SORCS2: variants seen among roughly 807,000 people sequenced by gnomAD.
SORCS2 encodes VPS10 domain-containing receptor SorCS2.
In SORCS2, 100 loss-of-function variants were observed where a neutral mutation model predicts 141.6. The observed-to-expected ratio is 0.71, with a 90% CI of 0.60 to 0.83. The LOEUF is 0.83. Among genes scored for constraint, SORCS2 ranks in the 40% least tolerant of loss-of-function variants. The probability of loss-of-function intolerance (pLI) is 0.00; values close to 1 mark genes in which losing one functional copy is unlikely to be tolerated. For synonymous variants in SORCS2, 789 were observed against 676.9 expected, an observed-to-expected ratio of 1.17 and a Z score of -2.57; for missense variants, 1,646 against 1,560.2, an observed-to-expected ratio of 1.05 and a Z score of -0.93.
chr4:7,448,092 C>T (rs78130599), intron 2 of SORCS2, among the ~76,000 whole-genome samples: 2 of 152,184 alleles, frequency 1.3e-5, no homozygotes, highest in Non-Finnish European at 2.9e-5. Context: ...CATCCCTGTA[C>T]GTAGGCGAGA....
chr4:7,496,830 T>A (rs1325758200), intron 2 of SORCS2, among the ~76,000 whole-genome samples: 2 of 152,074 alleles, frequency 1.3e-5, no homozygotes, highest in African/African-American at 4.8e-5. Flanking sequence ...GGTGAGCGGC[T>A]GGGGAAGGCA....
chr4:7,707,103 C>T (rs1256170733), intron 14 of SORCS2, among the ~76,000 whole-genome samples: 1 of 152,376 alleles, frequency 6.6e-6, no homozygotes, highest in Admixed American at 6.5e-5. Context: ...CTGTGGGCAG[C>T]AGCCTGTCCT....
chr4:7,562,400 C>G (rs7691525), intron 3 of SORCS2, among the ~76,000 whole-genome samples: 4,081 of 152,034 alleles, frequency 0.027, 185 homozygotes, highest in African/African-American at 0.092. Flanking sequence ...GAGGGATGGC[C>G]TGGGATGAGG....
chr4:7,343,074 C>G (rs930113178), intron 1 of SORCS2, among the ~76,000 whole-genome samples: 1 of 152,182 alleles, frequency 6.6e-6, no homozygotes, highest in Non-Finnish European at 1.5e-5. Context: ...CTGTGGGCCC[C>G]GAGTAGCTCG....
At chr4:7,478,267 G>A (rs111800634) in intron 2 of SORCS2, among the ~76,000 whole-genome samples, 3 of 152,138 alleles carry the variant, frequency 2.0e-5, no homozygotes, top group African/African-American at 4.8e-5. Context: ...TGCGAAGGAG[G>A]CTCGCTTCCT....
intron 12 of SORCS2, 100 bp downstream of exon 12, chr4:7,697,374 TG>T: frequency 9.6e-7 from 1 of 1,046,656 alleles, no homozygotes; most frequent in Non-Finnish European, 1.4e-6. Flanking sequence ...AGAGGCTCTG[TG>T]GGAGAAGCTC....
chr4:7,552,158 C>A (rs1031286615), intron 3 of SORCS2, among the ~76,000 whole-genome samples: 2 of 152,182 alleles, frequency 1.3e-5, no homozygotes, highest in Non-Finnish European at 2.9e-5. Flanking sequence ...AATGTGGCTC[C>A]CTCCCTCCCT....
chr4:7,594,028 A>G (rs970351379), intron 3 of SORCS2, among the ~76,000 whole-genome samples: 1 of 152,216 alleles, frequency 6.6e-6, no homozygotes, highest in Admixed American at 6.5e-5. Context: ...TCTCTTGAGC[A>G]CGTCTGTCTG....
At chr4:7,266,931 T>C (rs1251872375) in intron 1 of SORCS2, among the ~76,000 whole-genome samples, 1 of 150,944 alleles carries the variant, frequency 6.6e-6, no homozygotes, top group Admixed American at 6.6e-5. Flanking sequence ...CGGTGGCTCA[T>C]CACAGTGCCA....
chr4:7,473,679 G>A (rs766048997), intron 2 of SORCS2, among the ~76,000 whole-genome samples: 2 of 152,142 alleles, frequency 1.3e-5, no homozygotes, highest in Non-Finnish European at 2.9e-5. Flanking sequence ...ATGGCTGGGC[G>A]GTAGCAGGAC....
At chr4:7,460,823 C>T (rs569497149) in intron 2 of SORCS2, among the ~76,000 whole-genome samples, 8 of 152,148 alleles carry the variant, frequency 5.3e-5, no homozygotes, top group African/African-American at 1.4e-4. Context: ...CATCTGTGGC[C>T]GTGACCCTGC....
intron 4 of SORCS2, among the ~76,000 whole-genome samples, chr4:7,641,863 G>T (rs1267483921): frequency 6.6e-6 from 1 of 151,300 alleles, no homozygotes. Context: ...TGGATGGATG[G>T]GTGGGTGGGT....
chr4:7,629,748 C>G (rs890938255), intron 3 of SORCS2, among the ~76,000 whole-genome samples: 1 of 151,986 alleles, frequency 6.6e-6, no homozygotes, highest in African/African-American at 2.4e-5. Context: ...AGCCCAGCCC[C>G]ATATATCAAA....
intron 3 of SORCS2, among the ~76,000 whole-genome samples, chr4:7,588,394 T>C (rs534029160): frequency 6.6e-6 from 1 of 152,302 alleles, no homozygotes; most frequent in Admixed American, 6.5e-5. Flanking sequence ...CTCTTGTAAT[T>C]GGAAATCCCT....
chr4:7,261,838 C>T (rs2108824110), intron 1 of SORCS2, among the ~76,000 whole-genome samples: 1 of 152,326 alleles, frequency 6.6e-6, no homozygotes, highest in African/African-American at 2.4e-5. Flanking sequence ...GGGCATGGTC[C>T]CTGATGCCTT....
chr4:7,285,962 C>T lies in SORCS2; in HGVS notation c.480+92836C>T, dbSNP rs529733737. 2.1e-4 allele frequency among the ~76,000 whole-genome samples: 32 copies of T among 152,270 alleles called. No homozygotes were observed. The East Asian group carries it at 5.6e-3, about 27-fold the overall frequency. On this transcript the variant is annotated intron_variant, in intron 1 of 26. Transcript: ENST00000507866. ...TGCAGTGTAGCGTGGAGGCCCAGTG[C>T]GGGGACCAGCACCACCATTAATCAG...
rs1311670922 is a variant in SORCS2 at position 7,740,905 on chromosome 4, C to T, written c.*641C>T. The stretch of plus-strand genomic sequence containing the variant: ...GCCGGCGGTAGCCACCGGGGTGGCT[C>T]TGTCAGAGTTCCGTACTCGGGAGCC... On this transcript the variant is annotated 3_prime_UTR_variant, in exon 27 of 27. Coordinates refer to ENST00000507866, the MANE Select transcript of SORCS2 (RefSeq NM_020777.3). 2.5e-6 allele frequency: 1 copy of T among 398,314 alleles called. No individual in the cohort carries two copies. The highest frequency in any genetic ancestry group is 4.4e-6 in the Non-Finnish European group (1 of 226,530). 24.7% of individuals were successfully genotyped at this position (398,314 alleles called of 1,614,324 possible). A position where few individuals can be genotyped will look rare whatever the true frequency, so the allele number is the denominator to read the frequency against.
At chr4:7,366,505 G>A (rs1334334494) in intron 1 of SORCS2, among the ~76,000 whole-genome samples, 1 of 97,754 alleles carries the variant, frequency 1.0e-5, no homozygotes, top group African/African-American at 3.9e-5. Context: ...ACTCCTCCAG[G>A]CTTCCCCTCC....
chr4:7,309,953 T>TGG (rs1718080886), intron 1 of SORCS2, among the ~76,000 whole-genome samples: 1 of 152,152 alleles, frequency 6.6e-6, no homozygotes, highest in African/African-American at 2.4e-5. Context: ...GGGCTCAGAA[T>TGG]GGGGGTTCAA....
Sources: allele counts gnomAD v4.1 joint callset (sites outside exome capture counted in the v4.1 genomes callset), GRCh38; gene constraint gnomAD v4.1.1; transcripts MANE v1.5; gene names NCBI Gene and HGNC (gene_info 2026-07-23, HGNC 2026-07-21).